KCNH8: variants seen among roughly 807,000 people sequenced by gnomAD.
KCNH8 encodes voltage-gated delayed rectifier potassium channel KCNH8.
Under a neutral mutation model 103.6 loss-of-function variants are expected in KCNH8, and 70 were observed. The ratio of observed to expected loss-of-function variants is 0.68; its 90% CI spans 0.56 to 0.82. The LOEUF (loss-of-function observed/expected upper bound fraction) is 0.82. Ranked by LOEUF, KCNH8 falls within the 40% of genes least tolerant of loss-of-function variation. KCNH8 has a pLI of 0.00. For synonymous variants in KCNH8, 498 were observed against 489.4 expected (o/e 1.02, Z -0.23); for missense variants, 1,217 against 1,329.9 (o/e 0.92, Z 1.32).
chr3:19,225,786 G>A (rs2063923569), intron 1 of KCNH8, among the ~76,000 whole-genome samples: 1 of 152,046 alleles, frequency 6.6e-6, no homozygotes, highest in South Asian at 2.1e-4. Flanking sequence ...TGGCTGATTC[G>A]GATAATATTT....
chr3:19,501,047 AAAAG>A (rs2068571526), intron 11 of KCNH8, among the ~76,000 whole-genome samples: 1 of 152,216 alleles, frequency 6.6e-6, no homozygotes, highest in Non-Finnish European at 1.5e-5. Context: ...AATAAAGAAA[AAAAG>A]AGAGAAGAAT....
chr3:19,300,917 T>A (rs1438322186), intron 3 of KCNH8, among the ~76,000 whole-genome samples: 1 of 151,964 alleles, frequency 6.6e-6, no homozygotes, highest in African/African-American at 2.4e-5. Context: ...CTTATTTTTT[T>A]AAAGCCTTTC....
intron 3 of KCNH8, among the ~76,000 whole-genome samples, chr3:19,283,237 T>A (rs1027476228): frequency 6.6e-6 from 1 of 152,152 alleles, no homozygotes; most frequent in Non-Finnish European, 1.5e-5. Flanking sequence ...GACATCAATT[T>A]GAACACTGTG....
chr3:19,249,288 T>C (rs1242889179), intron 1 of KCNH8, among the ~76,000 whole-genome samples: 3 of 152,140 alleles, frequency 2.0e-5, no homozygotes, highest in African/African-American at 7.2e-5. Context: ...TCCAAGTAGA[T>C]AGCTGGGCAA....
intron 7 of KCNH8, among the ~76,000 whole-genome samples, chr3:19,410,878 C>CAA (rs4021206): frequency 0.036 from 2,274 of 63,318 alleles, 81 homozygotes; most frequent in African/African-American, 0.1. Flanking sequence ...GCCTACCAAG[C>CAA]AAAAAAAAAA....
At chr3:19,210,498 A>T (rs531929020) in intron 1 of KCNH8, among the ~76,000 whole-genome samples, 2 of 152,226 alleles carry the variant, frequency 1.3e-5, no homozygotes, top group Admixed American at 1.3e-4. Context: ...GAAGTGTAAG[A>T]TGTAAGAGAA....
intron 7 of KCNH8, among the ~76,000 whole-genome samples, chr3:19,415,554 A>G (rs115741193): frequency 8.9e-4 from 136 of 152,004 alleles, no homozygotes; most frequent in African/African-American, 3.1e-3. Flanking sequence ...CTTGTTTTGT[A>G]CTTATTAATA....
chr3:19,151,957 A>C (rs1173264518), intron 1 of KCNH8, among the ~76,000 whole-genome samples: 1 of 152,124 alleles, frequency 6.6e-6, no homozygotes, highest in African/African-American at 2.4e-5. Flanking sequence ...AAAACTAAGA[A>C]CCTTAGAAAT....
Position 19,166,117 on chromosome 3 carries a change from A to G in KCNH8, c.76+17322A>G, listed in dbSNP as rs187864411. Among the ~76,000 whole-genome samples the G allele has an allele frequency of 2.3e-3, 344 of 152,326 alleles. 4 individuals are homozygous for G. The highest frequency in any genetic ancestry group is 7.5e-3 in the African/African-American group (311 of 41,580). On this transcript the variant is annotated intron_variant, in intron 1 of 15. Transcript: ENST00000328405. ...CAAAGGATAATTGGAGTCAATAATA[A>G]AATCCATCATATTTGCCTTATTATT... is the stretch of plus-strand genomic sequence containing the variant.
chr3:19,298,925 A>G (rs959172818), intron 3 of KCNH8, among the ~76,000 whole-genome samples: 5 of 150,298 alleles, frequency 3.3e-5, no homozygotes, highest in Admixed American at 1.3e-4. Context: ...CCGTCTCAAA[A>G]AAAAAAAAAA....
At chr3:19,256,611 A>G (rs554562098) in intron 2 of KCNH8, among the ~76,000 whole-genome samples, 153 of 152,120 alleles carry the variant, frequency 1.0e-3, no homozygotes, top group African/African-American at 3.5e-3. Context: ...CTCCAAATCT[A>G]TATGAGTATT....
chr3:19,438,729 T>C lies in KCNH8; in HGVS notation c.1375+368T>C, dbSNP rs1330258432. Among the ~76,000 whole-genome samples the C allele has an allele frequency of 2.0e-5, 3 of 152,214 alleles. No homozygotes were observed. In the East Asian group the frequency reaches 5.8e-4, roughly 29 times the overall value. On this transcript the variant is annotated intron_variant, in intron 8 of 15. Transcript: ENST00000328405. ...TACACATTTGCCCTGCCCACTAGGATATGTACTCTGGACAGTGGCTTAGAA... is the reference window on the plus strand; with the variant it reads ...TACACATTTGCCCTGCCCACTAGGACATGTACTCTGGACAGTGGCTTAGAA...
chr3:19,390,689 G>C (rs376197937), intron 6 of KCNH8, 51 bp downstream of exon 6: 25 of 1,538,798 alleles, frequency 1.6e-5, no homozygotes, highest in Non-Finnish European at 2.1e-5. Flanking sequence ...TTTATTTATC[G>C]CATGTTCAGG....
chr3:19,270,017 A>C (rs905866165), intron 2 of KCNH8, among the ~76,000 whole-genome samples: 1 of 152,156 alleles, frequency 6.6e-6, no homozygotes, highest in African/African-American at 2.4e-5. Context: ...CTTTGGTAGT[A>C]TATAGTCTTC....
chr3:19,176,265 G>T (rs767533256), intron 1 of KCNH8, among the ~76,000 whole-genome samples: 3 of 152,090 alleles, frequency 2.0e-5, no homozygotes, highest in African/African-American at 7.2e-5. Flanking sequence ...GGAAGCTGGA[G>T]GCTTAGAGAG....
At chr3:19,154,801 T>C (rs989601651) in intron 1 of KCNH8, among the ~76,000 whole-genome samples, 2 of 152,218 alleles carry the variant, frequency 1.3e-5, no homozygotes, top group African/African-American at 4.8e-5. Flanking sequence ...TGGAATTCAG[T>C]GCCAGTGAAC....
chr3:19,151,088 C>A (rs2125178026), intron 1 of KCNH8, among the ~76,000 whole-genome samples: 1 of 151,922 alleles, frequency 6.6e-6, no homozygotes, highest in South Asian at 2.1e-4. Context: ...AAAATTTTAG[C>A]CACAAATTTT....
At chr3:19,232,796 A>C (rs907800581) in intron 1 of KCNH8, among the ~76,000 whole-genome samples, 5 of 152,174 alleles carry the variant, frequency 3.3e-5, no homozygotes, top group Non-Finnish European at 5.9e-5. Context: ...ACACATCCAA[A>C]TCTCAATTGG....
intron 1 of KCNH8, among the ~76,000 whole-genome samples, chr3:19,155,607 T>A (rs2125181795): frequency 6.6e-6 from 1 of 152,344 alleles, no homozygotes; most frequent in Admixed American, 6.5e-5. Flanking sequence ...CAGAATCTTT[T>A]CCAACCACTG....
Sources: allele counts gnomAD v4.1 joint callset (sites outside exome capture counted in the v4.1 genomes callset), GRCh38; gene constraint gnomAD v4.1.1; transcripts MANE v1.5; gene names NCBI Gene and HGNC (gene_info 2026-07-23, HGNC 2026-07-21).